DOCK7: variants seen among roughly 807,000 people sequenced by gnomAD.
The protein encoded by DOCK7 is dedicator of cytokinesis 7, also known as dedicator of cytokinesis protein 7.
Under a neutral mutation model 271.0 loss-of-function variants are expected in DOCK7, and 138 were observed. The ratio of observed to expected loss-of-function variants is 0.51; its 90% confidence interval spans 0.44 to 0.59. The LOEUF is 0.59. Ranked by LOEUF, DOCK7 falls within the 20% of genes least tolerant of loss-of-function variation. DOCK7 has a pLI of 0.00. For missense variants in DOCK7, 2,066 were observed against 2,592.4 expected (o/e 0.80, Z 4.41); for synonymous variants, 823 against 876.1 (o/e 0.94, Z 1.07).
chr1:62,548,000 G>C (rs897442057), intron 22 of DOCK7, among the ~76,000 whole-genome samples: 3 of 152,106 alleles, frequency 2.0e-5, no homozygotes, highest in Non-Finnish European at 2.9e-5. Context: ...TTAAACAAGT[G>C]ATCTAGTCCT....
intron 1 of DOCK7, among the ~76,000 whole-genome samples, chr1:62,683,756 G>A (rs1347649922): frequency 1.3e-5 from 2 of 151,876 alleles, no homozygotes; most frequent in Non-Finnish European, 2.9e-5. Context: ...GCAACATGGC[G>A]AAAACCCGTC....
At chr1:62,603,855 G>A in intron 14 of DOCK7, 2 of 961,212 alleles carry the variant, frequency 2.1e-6, no homozygotes, top group African/African-American at 1.6e-5. Context: ...AAATGATCAA[G>A]GGATTCAAGA....
chr1:62,495,973 A>C (rs1239218063), intron 38 of DOCK7: 5 of 361,480 alleles, frequency 1.4e-5, no homozygotes, highest in Non-Finnish European at 2.4e-5. Flanking sequence ...ATACAAAAGG[A>C]AAATTCTCTC....
chr1:62,614,235 T>C (rs1413943765), intron 14 of DOCK7, among the ~76,000 whole-genome samples: 1 of 152,118 alleles, frequency 6.6e-6, no homozygotes, highest in Non-Finnish European at 1.5e-5. Context: ...GATATTTGTA[T>C]ATTAGCTGTC....
chr1:62,626,443 C>A (rs894270402), intron 11 of DOCK7, among the ~76,000 whole-genome samples: 5 of 151,456 alleles, frequency 3.3e-5, no homozygotes, highest in African/African-American at 1.2e-4. Flanking sequence ...AAACCAAAAA[C>A]TGTTTGTTCA....
intron 1 of DOCK7, among the ~76,000 whole-genome samples, chr1:62,686,554 A>T (rs76754302): frequency 1.3e-5 from 2 of 152,116 alleles, no homozygotes; most frequent in African/African-American, 4.8e-5. Flanking sequence ...AAAAAAAAAA[A>T]TTTCCTGTCA....
intron 1 of DOCK7, among the ~76,000 whole-genome samples, chr1:62,675,895 G>C (rs1447012820): frequency 6.6e-6 from 1 of 152,130 alleles, no homozygotes; most frequent in Non-Finnish European, 1.5e-5. Flanking sequence ...ACAATAACAA[G>C]TGTTAGCAAG....
Position 62,648,332 on chromosome 1 carries a change from C to T in DOCK7, c.520-14G>A, listed in dbSNP as rs1248080395. On this transcript the variant is annotated splice_polypyrimidine_tract_variant and intron_variant, in intron 5 of 49. Transcript: ENST00000635253. ...TTTAAGGTCATCCTGTCATGCAAAA[C>T]ATTAAATATAAATATATTAATTAAT... is the stretch of plus-strand genomic sequence containing the variant. 1.3e-6 allele frequency: 2 copies of T among 1,535,844 alleles called. No homozygotes were observed. The highest frequency in any genetic ancestry group is 1.9e-5 in the Admixed American group (1 of 52,154).
intron 14 of DOCK7, among the ~76,000 whole-genome samples, chr1:62,594,226 A>C (rs1648883289): frequency 6.6e-6 from 1 of 152,148 alleles, no homozygotes; most frequent in Non-Finnish European, 1.5e-5. Flanking sequence ...GTGTACTCAG[A>C]CAGGAAGTAT....
At chr1:62,655,869 A>G (rs1657959579) in intron 2 of DOCK7, among the ~76,000 whole-genome samples, 1 of 152,202 alleles carries the variant, frequency 6.6e-6, no homozygotes, top group African/African-American at 2.4e-5. Flanking sequence ...TATAATTACT[A>G]TTTCAATTCT....
rs1260109202 is a variant in DOCK7 at position 62,555,948 on chromosome 1, T to A, written c.2473A>T (p.Ile825Leu). 6.2e-7 allele frequency: 1 copy of A among 1,613,804 alleles called. No individual in the cohort carries two copies. Among genetic ancestry groups the A allele is most frequent in the African/African-American group, 1.3e-5 (1 of 74,938 alleles). ...QASFEAMASI[I>L]NRLHKNLEGN... Reference sequence around the variant, plus strand: ...TCCAAGTTTTTGTGAAGTCGATTTATAATTGATGCCATGGCTTCAAAAGAT... The same window carrying A: ...TCCAAGTTTTTGTGAAGTCGATTTAAAATTGATGCCATGGCTTCAAAAGAT... Residue 825 changes from isoleucine (I) to leucine (L), a missense_variant, in exon 21 of 50, where the codon ATA becomes TTA. Physicochemically the swap from Ile to Leu is conservative, Grantham distance 5. Transcript: ENST00000635253.
At chr1:62,651,387 C>T (rs1657341112) in intron 4 of DOCK7, among the ~76,000 whole-genome samples, 1 of 146,358 alleles carries the variant, frequency 6.8e-6, no homozygotes, top group Admixed American at 6.9e-5. Context: ...CAACATGGCA[C>T]ATGTATACAT....
intron 22 of DOCK7, among the ~76,000 whole-genome samples, chr1:62,551,812 A>G (rs1315842583): frequency 1.3e-5 from 2 of 151,194 alleles, no homozygotes; most frequent in Non-Finnish European, 1.5e-5. Flanking sequence ...ATTTTTATAT[A>G]TATTTTAAAA....
At chr1:62,540,091 CT>C (rs1435269843) in intron 25 of DOCK7, among the ~76,000 whole-genome samples, 199 bp from the exon 26 acceptor site, 2 of 151,734 alleles carry the variant, frequency 1.3e-5, no homozygotes, top group African/African-American at 2.4e-5. Flanking sequence ...CACCATATTA[CT>C]TTCAGAAAAT....
chr1:62,578,918 T>TA lies in DOCK7; in HGVS notation c.1919dup (p.Leu640PhefsTer3). ...TAAAAAGCAAGTGATGATGGTCAGT[T>TA]AAAGTAGCAGGAAGCTTAACCTTGA... On this transcript the variant is annotated frameshift_variant, in exon 17 of 50. Transcript: ENST00000635253. LOFTEE classifies it high-confidence loss of function. 1 of 1,604,238 alleles carries TA rather than the reference T, an allele frequency of 6.2e-7. No homozygotes were observed.
At chr1:62,662,465 T>C (rs1658770433) in intron 2 of DOCK7, among the ~76,000 whole-genome samples, 2 of 152,134 alleles carry the variant, frequency 1.3e-5, no homozygotes, top group South Asian at 4.1e-4. Context: ...TCACCTTCAG[T>C]CTTTAAAAGT....
In DOCK7 at chr1:62,470,700, A is replaced by G. The variant is rs574819825; in HGVS notation, c.6212+3282T>C. 1.2e-4 allele frequency among the ~76,000 whole-genome samples: 19 copies of G among 152,234 alleles called. No individual in the cohort carries two copies. In the South Asian group the frequency reaches 3.7e-3, roughly 30 times the overall value. ...TCCCAGCTACTCAGGAGGCAGAGGC[A>G]GAAGAATCGCTTGAACCCAGGAGGC... On this transcript the variant is annotated intron_variant, in intron 48 of 49. Transcript: ENST00000635253.
chr1:62,595,138 T>C (rs1649037906), intron 14 of DOCK7, among the ~76,000 whole-genome samples: 2 of 152,158 alleles, frequency 1.3e-5, no homozygotes, highest in African/African-American at 4.8e-5. Context: ...TCAAAAGATG[T>C]AATTCTTTAA....
intron 4 of DOCK7, 96 bp from the exon 5 acceptor site, chr1:62,648,640 G>T: frequency 1.6e-6 from 1 of 622,820 alleles, no homozygotes; most frequent in Non-Finnish European, 2.4e-6. Flanking sequence ...AGTGTTTTCT[G>T]CATTATTTCT....
Sources: gnomAD v4.1 joint callset for allele counts (sites outside exome capture counted in the v4.1 genomes callset) on GRCh38, gnomAD v4.1.1 for gene constraint, MANE v1.5 for transcripts, NCBI Gene and HGNC (gene_info 2026-07-23, HGNC 2026-07-21) for gene names.